ZNF654: variants seen among roughly 807,000 people sequenced by gnomAD.
ZNF654 encodes the protein zinc finger protein 654.
A neutral mutation model predicts 95.3 loss-of-function variants in ZNF654; 19 were observed. The ratio of observed to expected loss-of-function variants is 0.20; its 90% confidence interval spans 0.14 to 0.29. ZNF654 has a LOEUF of 0.29. Among genes scored for constraint, ZNF654 ranks in the 10% least tolerant of loss-of-function variants. The pLI, the probability that ZNF654 is intolerant of heterozygous loss-of-function variation, is 1.00. For synonymous variants in ZNF654, 413 were observed against 457.9 expected (o/e 0.90, Z 1.25); for missense variants, 1,046 against 1,341.0 (o/e 0.78, Z 3.44).
chr3:88,136,176 AAAC>A (rs1706772584), intron 7 of ZNF654, among the ~76,000 whole-genome samples: 1 of 152,188 alleles, frequency 6.6e-6, no homozygotes, highest in Admixed American at 6.5e-5. Flanking sequence ...ACTTAATTTT[AAAC>A]AATAAAGATG....
At chr3:88,061,889 T>C (rs1044934355) in intron 1 of ZNF654, among the ~76,000 whole-genome samples, 1 of 152,166 alleles carries the variant, frequency 6.6e-6, no homozygotes, top group Non-Finnish European at 1.5e-5. Flanking sequence ...GTACATGAAT[T>C]ATACAGACAG....
intron 1 of ZNF654, among the ~76,000 whole-genome samples, chr3:88,064,111 T>TC (rs996301729): frequency 2.0e-5 from 3 of 147,968 alleles, no homozygotes; most frequent in East Asian, 3.9e-4. Flanking sequence ...AGCTTCTTCT[T>TC]TTTTTTTTTT....
intron 3 of ZNF654, among the ~76,000 whole-genome samples, chr3:88,124,433 A>C (rs1270599623): frequency 6.6e-6 from 1 of 152,214 alleles, no homozygotes; most frequent in East Asian, 1.9e-4. Context: ...CTGAATGATT[A>C]TTTTAAAACT....
intron 2 of ZNF654, among the ~76,000 whole-genome samples, chr3:88,098,367 A>G (rs2107705611): frequency 6.6e-6 from 1 of 152,330 alleles, no homozygotes; most frequent in South Asian, 2.1e-4. Flanking sequence ...AGGGTCCAGG[A>G]CCAGATGGAT....
chr3:88,141,542 A>G lies in ZNF654; in HGVS notation c.3380-103A>G, dbSNP rs1036537150. ...AGAGCTTGTCTGTCTACTAATATCA[A>G]TATCCTTTAAAATGACAGGGTATAA... On this transcript the variant is annotated intron_variant, in intron 8 of 8. Transcript: ENST00000636215. 72 of 806,992 alleles carry G rather than the reference A, an allele frequency of 8.9e-5. No individual in the cohort carries two copies. In the African/African-American group the frequency reaches 1.0e-3, roughly 11 times the overall value. 50.0% of individuals were successfully genotyped at this position (806,992 alleles called of 1,614,324 possible). A position where few individuals can be genotyped will look rare whatever the true frequency, so the allele number is the denominator to read the frequency against.
intron 6 of ZNF654, among the ~76,000 whole-genome samples, chr3:88,130,857 C>CTAGGGGTTA (rs954547476): frequency 6.6e-6 from 1 of 151,810 alleles, no homozygotes; most frequent in Admixed American, 6.6e-5. Flanking sequence ...AATTTGTTTT[C>CTAGGGGTTA]TAGGGGTTAC....
chr3:88,126,576 CATCTT>C (rs1352336149), intron 4 of ZNF654, among the ~76,000 whole-genome samples: 2 of 108,308 alleles, frequency 1.8e-5, no homozygotes, highest in Non-Finnish European at 3.6e-5. Context: ...TAAGTAGAAA[CATCTT>C]TTTTTTTTTT....
chr3:88,127,104 T>G lies in ZNF654; in HGVS notation c.550+835T>G. ...CAGTAACAGTGAATAAGCACTAAAG[T>G]GTAGAAAACATTTAAAAGTGTGGAG... On this transcript the variant is annotated intron_variant, in intron 4 of 8. Transcript: ENST00000636215. 1.3e-5 allele frequency among the ~76,000 whole-genome samples: 2 copies of G among 152,054 alleles called. 1 individual carries two copies. Among genetic ancestry groups the G allele is most frequent in the East Asian group, 3.9e-4 (2 of 5,182 alleles).
intron 2 of ZNF654, among the ~76,000 whole-genome samples, 158 bp downstream of exon 2, chr3:88,086,560 C>T (rs1225156959): frequency 6.6e-6 from 1 of 152,098 alleles, no homozygotes; most frequent in East Asian, 1.9e-4. Context: ...TAATTTTGAA[C>T]ATGTAACCAT....
chr3:88,086,415 T>A lies in ZNF654; in HGVS notation c.332+13T>A. On this transcript the variant is annotated intron_variant, in intron 2 of 8. Transcript: ENST00000636215. ...GTAGCCTTGCTGTGTAAGTACTTTT[T>A]ACTTCTTATAAATGCATTATTTTTC... is the stretch of plus-strand genomic sequence containing the variant. 1 of 1,483,274 alleles carries A rather than the reference T, an allele frequency of 6.7e-7. No individual in the cohort carries two copies. Among genetic ancestry groups the A allele is most frequent in the Non-Finnish European group, 9.0e-7 (1 of 1,116,758 alleles). The allele number at this position is 1,483,274 out of a possible 1,614,324, so 91.9% of individuals were successfully genotyped here. A position where few individuals can be genotyped will look rare whatever the true frequency, so the allele number is the denominator to read the frequency against.
rs1381356980 is a variant in ZNF654 at position 88,140,399 on chromosome 3, G to A, written c.2730G>A (p.Leu910=). Residue 910 remains leucine, a synonymous_variant, in exon 8 of 9, where the codon CTG becomes CTA. Coordinates refer to ENST00000636215, the MANE Select transcript of ZNF654 (RefSeq NM_001350134.2). The part of the protein sequence containing the change: ...SSSNEKQTIS[L]PVSTSKSRKE... ...GTAATGAGAAACAAACTATTAGTCT[G>A]CCAGTTTCTACTAGCAAATCAAGGA... 9.3e-6 allele frequency: 15 copies of A among 1,612,958 alleles called. No homozygotes were observed. Among genetic ancestry groups the A allele is most frequent in the Non-Finnish European group, 1.3e-5 (15 of 1,179,498 alleles).
intron 2 of ZNF654, among the ~76,000 whole-genome samples, chr3:88,109,049 G>A (rs1704919451): frequency 6.6e-6 from 1 of 151,832 alleles, no homozygotes; most frequent in Non-Finnish European, 1.5e-5. Context: ...TGTTCAAATT[G>A]ATGAAAATTG....
At chr3:88,073,194 C>T (rs1204249187) in intron 1 of ZNF654, among the ~76,000 whole-genome samples, 15 of 152,088 alleles carry the variant, frequency 9.9e-5, no homozygotes, top group Admixed American at 6.6e-5. Flanking sequence ...TCCACCCAGA[C>T]GTACAGAATC....
intron 2 of ZNF654, among the ~76,000 whole-genome samples, chr3:88,096,722 G>A (rs1440229099): frequency 1.3e-5 from 2 of 151,924 alleles, no homozygotes; most frequent in Non-Finnish European, 2.9e-5. Context: ...TTTAATTTTT[G>A]AGTAGGTAAT....
intron 1 of ZNF654, among the ~76,000 whole-genome samples, chr3:88,080,968 A>T (rs2107645075): frequency 6.6e-6 from 1 of 152,272 alleles, no homozygotes; most frequent in Admixed American, 6.5e-5. Context: ...CCATTCCAGG[A>T]TGTTATCCGT....
intron 3 of ZNF654, among the ~76,000 whole-genome samples, chr3:88,116,612 T>TTG (rs761236273): frequency 1.7e-4 from 26 of 149,918 alleles, no homozygotes; most frequent in Middle Eastern, 3.4e-3. Context: ...TGTATATATG[T>TTG]TGTGTGTGTG....
chr3:88,108,946 C>T (rs74983372), intron 2 of ZNF654, among the ~76,000 whole-genome samples: 10,256 of 152,112 alleles, frequency 0.067, 476 homozygotes, highest in Non-Finnish European at 0.1. Flanking sequence ...ACACCTCAAA[C>T]CGCAAAATTT....
At chr3:88,059,754 G>A (rs1258259840) in intron 1 of ZNF654, among the ~76,000 whole-genome samples, 2 of 152,062 alleles carry the variant, frequency 1.3e-5, no homozygotes, top group Non-Finnish European at 2.9e-5. Flanking sequence ...CTGGAAAGAA[G>A]GAAGGTCGGC....
At chr3:88,108,432 A>G (rs997646902) in intron 2 of ZNF654, among the ~76,000 whole-genome samples, 5 of 152,206 alleles carry the variant, frequency 3.3e-5, no homozygotes, top group African/African-American at 4.8e-5. Context: ...TGTCTGTACA[A>G]TAGTCTCCCC....
Sources: gnomAD v4.1 joint callset for allele counts (sites outside exome capture counted in the v4.1 genomes callset) on GRCh38, gnomAD v4.1.1 for gene constraint, MANE v1.5 for transcripts, NCBI Gene and HGNC (gene_info 2026-07-23, HGNC 2026-07-21) for gene names.